Variants in PCDHGA3 observed in about 807,000 individuals in gnomAD.
PCDHGA3 encodes the protein protocadherin gamma-A3.
A neutral mutation model predicts 58.5 loss-of-function variants in PCDHGA3; 40 were observed. The ratio of observed to expected loss-of-function variants is 0.68; its 90% CI spans 0.53 to 0.89. PCDHGA3 has a LOEUF of 0.89. PCDHGA3 is among the 40% of genes least tolerant of loss of function. The pLI is 0.00. For missense variants in PCDHGA3, 1,223 were observed against 1,195.9 expected (o/e 1.02, Z -0.33); for synonymous variants, 530 against 525.7 (o/e 1.01, Z -0.11).
rs1160654712 is a variant in PCDHGA3, at chr5:141,360,146, G to A, written c.2424+13689G>A. Reference sequence around the variant, plus strand: ...AAAGGGAGCCAGAAGATGAAAGCGAGCTCAGGGAGGTGCGGGCTGGTGCGG... The same window carrying A: ...AAAGGGAGCCAGAAGATGAAAGCGAACTCAGGGAGGTGCGGGCTGGTGCGG... On this transcript the variant is annotated intron_variant, in intron 1 of 3. Coordinates refer to ENST00000253812, the MANE Select transcript of PCDHGA3 (RefSeq NM_018916.4). 12 of 1,600,736 alleles carry A rather than the reference G, an allele frequency of 7.5e-6. No homozygotes were observed. The East Asian group carries it at 1.4e-4, about 18-fold the overall frequency.
intron 1 of PCDHGA3, among the ~76,000 whole-genome samples, chr5:141,405,668 G>A (rs1468042334): frequency 6.6e-6 from 1 of 152,100 alleles, no homozygotes; most frequent in Non-Finnish European, 1.5e-5. Context: ...AGTAGAGACG[G>A]GGTGTCACCA....
chr5:141,494,807 C>A lies in PCDHGA3; in HGVS notation c.2425C>A (p.Gln809Lys), dbSNP rs568448786. Residue 809 changes from glutamine to lysine, a missense_variant and splice_region_variant, in exon 2 of 4, where the codon CAA (glutamine) becomes AAA (lysine). Coordinates refer to ENST00000253812, the MANE Select transcript of PCDHGA3 (RefSeq NM_018916.4). ...CCCTTTCCCTCTGTTTTCTCCACAGCAAGCCCCGCCCAACACGGACTGGCG... is the reference window on the plus strand; with the variant it reads ...CCCTTTCCCTCTGTTTTCTCCACAGAAAGCCCCGCCCAACACGGACTGGCG... ...EMKGDSNLLQ[Q>K]APPNTDWRFS... The A allele has an allele frequency of 2.5e-5, 40 of 1,614,144 alleles. No individual in the cohort carries two copies. The South Asian group carries it at 4.0e-4, about 16-fold the overall frequency.
intron 1 of PCDHGA3, chr5:141,428,158 G>C (rs776350833): frequency 3.8e-6 from 6 of 1,577,610 alleles, no homozygotes; most frequent in Non-Finnish European, 5.2e-6. Context: ...GGAACCTGCT[G>C]GTTGCTGTGC....
At chr5:141,418,685 G>A (rs750217981) in intron 1 of PCDHGA3, 1 of 1,614,056 alleles carries the variant, frequency 6.2e-7, no homozygotes, top group African/African-American at 1.3e-5. Context: ...CATCAACTCA[G>A]AGATCACTTA....
At chr5:141,478,137 G>C (rs762316494) in intron 1 of PCDHGA3, 1 of 1,613,872 alleles carries the variant, frequency 6.2e-7, no homozygotes, top group South Asian at 1.1e-5. Context: ...CCTGAAGCCC[G>C]AGCCGAGTTC....
intron 1 of PCDHGA3, chr5:141,384,043 G>A (rs367639640): frequency 1.6e-5 from 26 of 1,612,650 alleles, no homozygotes; most frequent in Admixed American, 3.3e-5. Flanking sequence ...GAATGGTGAG[G>A]TGACCTGCAC....
rs760095389 is a variant in PCDHGA3, at chr5:141,486,731, A to G, written c.2425-8076A>G. On this transcript the variant is annotated intron_variant, in intron 1 of 3. Transcript: ENST00000253812. The surrounding 1 kb of genome is among the most constrained non-coding windows in gnomAD (Gnocchi z 5.0). ...CCCCCAGACAGGAGCTGTTCATGCT[A>G]CTCGATCCTTTGACTATGAGCAAAC... The G allele has an allele frequency of 6.2e-7, 1 of 1,614,060 alleles. No individual in the cohort carries two copies. Among genetic ancestry groups the G allele is most frequent in the Non-Finnish European group, 8.5e-7 (1 of 1,180,012 alleles).
intron 1 of PCDHGA3, among the ~76,000 whole-genome samples, chr5:141,402,419 A>T: frequency 6.6e-6 from 1 of 152,100 alleles, no homozygotes; most frequent in Middle Eastern, 3.2e-3. Flanking sequence ...ACACAGAAAA[A>T]ATTGAAGCAT....
At chr5:141,395,224 C>G (rs1442627118) in intron 1 of PCDHGA3, 1 of 1,610,586 alleles carries the variant, frequency 6.2e-7, no homozygotes, top group Admixed American at 1.7e-5. Context: ...AAGAATGAAG[C>G]TGATCATGGT....
At chr5:141,469,044 A>C (rs1247890388) in intron 1 of PCDHGA3, among the ~76,000 whole-genome samples, 1 of 152,128 alleles carries the variant, frequency 6.6e-6, no homozygotes, top group East Asian at 1.9e-4. Context: ...TGGGAGGCCA[A>C]GGTGGGAGGA....
chr5:141,404,497 T>C, intron 1 of PCDHGA3: 1 of 1,613,930 alleles, frequency 6.2e-7, no homozygotes, highest in Non-Finnish European at 8.5e-7. Context: ...GTGTGCTGTA[T>C]GCTCTGTGCT....
chr5:141,487,880 G>T lies in PCDHGA3; in HGVS notation c.2425-6927G>T, dbSNP rs1008153773. ...ATTGGTGATCAAGAGCCAGGCTGTTGTGGAAGCATGATGATGGAATGTGGG... is the reference window on the plus strand; with the variant it reads ...ATTGGTGATCAAGAGCCAGGCTGTTTTGGAAGCATGATGATGGAATGTGGG... On this transcript the variant is annotated intron_variant, in intron 1 of 3. Transcript: ENST00000253812. The surrounding 1 kb of genome is among the most constrained non-coding windows in gnomAD (Gnocchi z 5.0). The T allele has an allele frequency of 3.8e-6, 3 of 784,896 alleles. No individual in the cohort carries two copies. Among genetic ancestry groups the T allele is most frequent in the Non-Finnish European group, 6.0e-6 (3 of 497,074 alleles). 48.6% of individuals were successfully genotyped at this position (784,896 alleles called of 1,614,324 possible).
In PCDHGA3 at chr5:141,490,091, A is replaced by T; in HGVS notation, c.2425-4716A>T. 6.2e-7 allele frequency: 1 copy of T among 1,614,240 alleles called. No homozygotes were observed. Among genetic ancestry groups the T allele is most frequent in the East Asian group, 2.2e-5 (1 of 44,888 alleles). ...CAACTAGACTATTCTTTTGGAGACC[A>T]CACATCTGAGGCAGTGCGGAACCTC... On this transcript the variant is annotated intron_variant, in intron 1 of 3. Coordinates refer to ENST00000253812, the MANE Select transcript of PCDHGA3 (RefSeq NM_018916.4). The surrounding 1 kb of genome is among the most constrained non-coding windows in gnomAD (Gnocchi z 5.4).
intron 1 of PCDHGA3, chr5:141,422,075 G>A (rs1192481253): frequency 1.9e-6 from 3 of 1,612,092 alleles, no homozygotes; most frequent in East Asian, 2.2e-5. Flanking sequence ...TATTCATTTC[G>A]GAACATGGAA....
At chr5:141,423,102 C>A (rs778561065) in intron 1 of PCDHGA3, 2 of 1,613,802 alleles carry the variant, frequency 1.2e-6, no homozygotes, top group Non-Finnish European at 1.7e-6. Flanking sequence ...AGCACACGGG[C>A]GAGGTGCGTA....
At chr5:141,413,081 C>CAG in intron 1 of PCDHGA3, 1 of 1,339,426 alleles carries the variant, frequency 7.5e-7, no homozygotes, top group South Asian at 1.5e-5. Flanking sequence ...GCCCAGGCTA[C>CAG]AGAGACACCC....
At position 141,489,657 on chromosome 5, in the gene PCDHGA3, G is replaced by T. The variant is rs755618175; in HGVS notation, c.2425-5150G>T. 6.2e-7 allele frequency: 1 copy of T among 1,614,198 alleles called. No individual in the cohort carries two copies. Among genetic ancestry groups the T allele is most frequent in the Admixed American group, 1.7e-5 (1 of 60,030 alleles). ...CTAGCTTTGCCACCCCTGAGCGAGA[G>T]ATGCGCATCTCAGAATCAGCAGCAT... On this transcript the variant is annotated intron_variant, in intron 1 of 3. Coordinates refer to ENST00000253812, the MANE Select transcript of PCDHGA3 (RefSeq NM_018916.4). This position sits in a 1 kb window ranked among gnomAD's most constrained non-coding sequence, Gnocchi z 4.5.
chr5:141,395,178 G>T (rs1201622292), intron 1 of PCDHGA3: 2 of 1,614,142 alleles, frequency 1.2e-6, no homozygotes, highest in Non-Finnish European at 1.7e-6. Context: ...TGAGAAAAAT[G>T]ATTCTTTGTT....
In PCDHGA3 at chr5:141,423,113, C is replaced by G. The variant is rs2096710947; in HGVS notation, c.2425-71694C>G. On this transcript the variant is annotated intron_variant, in intron 1 of 3. Coordinates refer to ENST00000253812, the MANE Select transcript of PCDHGA3 (RefSeq NM_018916.4). The stretch of plus-strand genomic sequence containing the variant: ...GGGGAGCACACGGGCGAGGTGCGTA[C>G]AGCGCGGGCACTGCTGGACAGAGAC... The G allele has an allele frequency of 1.9e-6, 3 of 1,613,702 alleles. No homozygotes were observed. The highest frequency in any genetic ancestry group is 2.5e-6 in the Non-Finnish European group (3 of 1,179,992).
Sources: allele counts gnomAD v4.1 joint callset (sites outside exome capture counted in the v4.1 genomes callset), GRCh38; gene constraint gnomAD v4.1.1; non-coding constraint Gnocchi (gnomAD v3.1); transcripts MANE v1.5; gene names NCBI Gene and HGNC (gene_info 2026-07-23, HGNC 2026-07-21).